AGBL4: variants seen among roughly 807,000 people sequenced by gnomAD.
AGBL4 encodes the protein AGBL carboxypeptidase 4.
Under a neutral mutation model 66.4 loss-of-function variants are expected in AGBL4, and 58 were observed. The ratio of observed to expected loss-of-function variants is 0.87; its 90% CI spans 0.71 to 1.09. The LOEUF (loss-of-function observed/expected upper bound fraction) is 1.09. Ranked by LOEUF, AGBL4 falls within the 50% of genes least tolerant of loss-of-function variation. The pLI is 0.00. For synonymous variants in AGBL4, 234 were observed against 222.9 expected (o/e 1.05, Z -0.44); for missense variants, 579 against 631.0 (o/e 0.92, Z 0.88).
chr1:48,857,542 A>C (rs544822505), intron 6 of AGBL4, among the ~76,000 whole-genome samples: 40 of 152,216 alleles, frequency 2.6e-4, no homozygotes, highest in Non-Finnish European at 4.7e-4. Flanking sequence ...TAACACAGTG[A>C]AACCCCATCT....
chr1:49,642,751 G>A (rs1313087988), intron 3 of AGBL4, among the ~76,000 whole-genome samples: 2 of 151,904 alleles, frequency 1.3e-5, no homozygotes, highest in African/African-American at 2.4e-5. Context: ...ATCAATAAGG[G>A]GAAAAGAGCC....
intron 1 of AGBL4, among the ~76,000 whole-genome samples, chr1:49,953,257 T>C (rs921104394): frequency 6.6e-6 from 1 of 151,954 alleles, no homozygotes; most frequent in African/African-American, 2.4e-5. Flanking sequence ...TCATTGATCA[T>C]ATCATTTCCT....
chr1:49,167,292 T>G (rs923809048), intron 4 of AGBL4, among the ~76,000 whole-genome samples: 1 of 152,362 alleles, frequency 6.6e-6, no homozygotes, highest in East Asian at 1.9e-4. Context: ...TTTGCTGGAA[T>G]GTAGTCTACA....
At chr1:49,609,047 T>C (rs2124217546) in intron 3 of AGBL4, among the ~76,000 whole-genome samples, 1 of 152,300 alleles carries the variant, frequency 6.6e-6, no homozygotes, top group South Asian at 2.1e-4. Flanking sequence ...CTGGCTGCCA[T>C]TGATGCTACT....
intron 2 of AGBL4, among the ~76,000 whole-genome samples, chr1:49,840,749 A>G (rs1016310724): frequency 2.6e-5 from 4 of 152,222 alleles, no homozygotes; most frequent in Non-Finnish European, 5.9e-5. Flanking sequence ...AGCAAAAATC[A>G]TATGACCATC....
At chr1:49,756,331 A>AT (rs1651882830) in intron 2 of AGBL4, among the ~76,000 whole-genome samples, 1 of 152,166 alleles carries the variant, frequency 6.6e-6, no homozygotes, top group African/African-American at 2.4e-5. Flanking sequence ...AGAAAAAAAA[A>AT]GCCCTGAGCC....
intron 3 of AGBL4, among the ~76,000 whole-genome samples, chr1:49,643,934 T>C (rs1645834165): frequency 6.6e-6 from 1 of 151,652 alleles, no homozygotes; most frequent in Non-Finnish European, 1.5e-5. Flanking sequence ...TATAAAAGAC[T>C]TTTTCCTTAT....
chr1:49,247,945 A>T (rs946968758), intron 3 of AGBL4, among the ~76,000 whole-genome samples: 1 of 152,134 alleles, frequency 6.6e-6, no homozygotes, highest in African/African-American at 2.4e-5. Context: ...TAGGACTTAA[A>T]TCTTAGGTGT....
Position 49,884,707 on chromosome 1 carries a change from G to A in AGBL4, c.35-33189C>T, listed in dbSNP as rs549980749. On this transcript the variant is annotated intron_variant, in intron 1 of 13. Transcript: ENST00000371839. Reference sequence around the variant, plus strand: ...AAAATAATTGTGGCTTATCTTTACAGAAGTAAAGGTCTCATTCTAATAATG... The same window carrying A: ...AAAATAATTGTGGCTTATCTTTACAAAAGTAAAGGTCTCATTCTAATAATG... Among the ~76,000 whole-genome samples the A allele has an allele frequency of 1.4e-3, 209 of 151,800 alleles. 1 individual carries two copies. Among genetic ancestry groups the A allele is most frequent in the African/African-American group, 4.7e-3 (196 of 41,474 alleles).
intron 3 of AGBL4, among the ~76,000 whole-genome samples, chr1:49,514,966 C>T (rs1229535828): frequency 6.6e-6 from 1 of 152,056 alleles, no homozygotes; most frequent in Non-Finnish European, 1.5e-5. Flanking sequence ...CCATTCAGGA[C>T]ACAGGCATGG....
intron 2 of AGBL4, among the ~76,000 whole-genome samples, chr1:49,707,507 A>G (rs980220367): frequency 8.6e-5 from 13 of 151,100 alleles, no homozygotes; most frequent in Admixed American, 7.9e-4. Flanking sequence ...CCTTTATCTA[A>G]TTTGCCAATC....
At chr1:48,865,164 C>CT (rs1191262213) in intron 6 of AGBL4, among the ~76,000 whole-genome samples, 1 of 152,102 alleles carries the variant, frequency 6.6e-6, no homozygotes, top group Non-Finnish European at 1.5e-5. Context: ...TTCCTAGCTG[C>CT]TGCAGCTCCT....
intron 6 of AGBL4, among the ~76,000 whole-genome samples, chr1:48,797,054 C>G (rs1047663773): frequency 2.6e-5 from 4 of 152,080 alleles, no homozygotes; most frequent in African/African-American, 9.7e-5. Flanking sequence ...CCTGGAAGGA[C>G]CCTTAAAGGC....
chr1:48,730,662 C>T (rs10888618), intron 6 of AGBL4, among the ~76,000 whole-genome samples: 42,364 of 151,920 alleles, frequency 0.28, 6,555 homozygotes, highest in East Asian at 0.63. Context: ...CAGCACTGAA[C>T]GAAAAGCTTC....
the AGBL4 span, among the ~76,000 whole-genome samples, chr1:48,527,192 T>C: frequency 4.6e-5 from 7 of 152,180 alleles, no homozygotes; most frequent in Non-Finnish European, 8.8e-5. Context: ...GCCTCTGACC[T>C]GTCTGGAACC....
At chr1:48,668,500 C>G (rs1570190205) in intron 6 of AGBL4, among the ~76,000 whole-genome samples, 2 of 152,070 alleles carry the variant, frequency 1.3e-5, no homozygotes, top group South Asian at 4.1e-4. Context: ...CAGGCCCCAG[C>G]CCCAGCTAGC....
At chr1:49,472,530 G>C (rs1417022537) in intron 3 of AGBL4, among the ~76,000 whole-genome samples, 1 of 151,948 alleles carries the variant, frequency 6.6e-6, no homozygotes, top group Non-Finnish European at 1.5e-5. Context: ...CAGTATTGTG[G>C]CTCCTCGAAA....
chr1:49,637,382 C>A (rs1400308426), intron 3 of AGBL4, among the ~76,000 whole-genome samples: 1 of 151,948 alleles, frequency 6.6e-6, no homozygotes, highest in African/African-American at 2.4e-5. Context: ...CTCGCTGCAA[C>A]CTCCACCTCC....
chr1:49,608,450 AT>A (rs1281164994), intron 3 of AGBL4, among the ~76,000 whole-genome samples: 1 of 152,082 alleles, frequency 6.6e-6, no homozygotes, highest in African/African-American at 2.4e-5. Flanking sequence ...TGTTAGGTAA[AT>A]TTCAACCTCC....
Sources: gnomAD v4.1 joint callset for allele counts (sites outside exome capture counted in the v4.1 genomes callset) on GRCh38, gnomAD v4.1.1 for gene constraint, MANE v1.5 for transcripts, NCBI Gene and HGNC (gene_info 2026-07-23, HGNC 2026-07-21) for gene names.